UBA6: variants seen among roughly 807,000 people sequenced by gnomAD.
UBA6 encodes the protein ubiquitin-like modifier-activating enzyme 6.
Under a neutral mutation model 148.3 loss-of-function variants are expected in UBA6, and 87 were observed. That is an observed-to-expected ratio of 0.59 (90% CI 0.49 to 0.70). The LOEUF (loss-of-function observed/expected upper bound fraction) is 0.70, where lower values mean the gene tolerates loss of function less well. UBA6 is among the 30% of genes least tolerant of loss of function. The pLI is 0.00. For synonymous variants in UBA6, 376 were observed against 401.0 expected (o/e 0.94, Z 0.75); for missense variants, 1,186 against 1,241.2 (o/e 0.96, Z 0.67).
intron 25 of UBA6, among the ~76,000 whole-genome samples, 164 bp downstream of exon 25, chr4:67,631,544 G>C (rs1728996979): frequency 1.3e-5 from 2 of 152,112 alleles, no homozygotes. Context: ...AAGGGTTGTG[G>C]CTGGCTTTCT....
chr4:67,623,007 GT>G, intron 31 of UBA6, 82 bp from the exon 32 acceptor site: 1 of 1,371,126 alleles, frequency 7.3e-7, no homozygotes, highest in Non-Finnish European at 1.0e-6. Flanking sequence ...CGTAAACAAT[GT>G]TTTATGACCA....
chr4:67,686,953 A>C (rs1240325384), intron 2 of UBA6, among the ~76,000 whole-genome samples: 2 of 24,898 alleles, frequency 8.0e-5, no homozygotes, highest in Non-Finnish European at 1.7e-4. Context: ...TCCTGTCTCT[A>C]AAAAAAAAAA....
chr4:67,626,257 A>G, intron 28 of UBA6, 103 bp downstream of exon 28: 2 of 702,226 alleles, frequency 2.8e-6, no homozygotes, highest in Non-Finnish European at 5.0e-6. Flanking sequence ...TATTGTCATC[A>G]TTATTATTGT....
At chr4:67,677,811 C>G (rs1577833127) in intron 5 of UBA6, 89 bp from the exon 6 acceptor site, 2 of 605,360 alleles carry the variant, frequency 3.3e-6, no homozygotes, top group East Asian at 3.2e-5. Flanking sequence ...TCAGAGGAAC[C>G]TGACATGTTA....
intron 2 of UBA6, among the ~76,000 whole-genome samples, chr4:67,690,328 T>G (rs575077430): frequency 6.6e-6 from 1 of 152,188 alleles, no homozygotes; most frequent in Admixed American, 6.5e-5. Context: ...GACTTAAATG[T>G]AAGATCTGCA....
At chr4:67,662,555 C>T in intron 12 of UBA6, 1 of 256,102 alleles carries the variant, frequency 3.9e-6, no homozygotes, top group Admixed American at 5.2e-5. Context: ...CCCTCTGCCT[C>T]CTGGTTCAAG....
chr4:67,627,328 C>T (rs1420393444), intron 27 of UBA6, among the ~76,000 whole-genome samples: 1 of 151,914 alleles, frequency 6.6e-6, no homozygotes, highest in African/African-American at 2.4e-5. Context: ...GCTGTGACAT[C>T]TGTAACCAGC....
At chr4:67,694,215 C>CAACAAAA (rs1730770943) in intron 2 of UBA6, among the ~76,000 whole-genome samples, 1 of 41,852 alleles carries the variant, frequency 2.4e-5, no homozygotes, top group Non-Finnish European at 4.0e-5. Context: ...GACTCCATCT[C>CAACAAAA]AAAAAAAAAA....
At position 67,635,519 on chromosome 4, in the gene UBA6, TC is replaced by T; in HGVS notation, c.1775del (p.Gly592GlufsTer16). 1 of 1,613,286 alleles carries T rather than the reference TC, an allele frequency of 6.2e-7. No homozygotes were observed. The highest frequency in any genetic ancestry group is 8.5e-7 in the Non-Finnish European group (1 of 1,179,404). On this transcript the variant is annotated frameshift_variant, in exon 20 of 33. Coordinates refer to ENST00000322244, the MANE Select transcript of UBA6 (RefSeq NM_018227.6). LOFTEE classifies it high-confidence loss of function. ...CAGTGTGTCCCTTAGTGCCCATTGT[TC>T]CAGAATCTAAAAGAGGCCTTAGATT... is the stretch of plus-strand genomic sequence containing the variant. ...LANLRPLLDS[G>X]TMGTKGHTEV...
At chr4:67,625,411 G>A (rs142056580) in intron 28 of UBA6, among the ~76,000 whole-genome samples, 4 of 146,150 alleles carry the variant, frequency 2.7e-5, no homozygotes, top group African/African-American at 1.0e-4. Context: ...AAAAAAAAAC[G>A]ATGGTTTTAA....
intron 18 of UBA6, among the ~76,000 whole-genome samples, chr4:67,639,737 T>C (rs1034261480): frequency 6.6e-6 from 1 of 152,138 alleles, no homozygotes; most frequent in African/African-American, 2.4e-5. Flanking sequence ...CACATACCTA[T>C]GATAAAGTTT....
chr4:67,641,739 A>G (rs1303883823), intron 17 of UBA6, among the ~76,000 whole-genome samples: 1 of 152,154 alleles, frequency 6.6e-6, no homozygotes, highest in Non-Finnish European at 1.5e-5. Context: ...CTGTCATACT[A>G]TTTAAGAATT....
At chr4:67,690,508 C>T (rs1262889377) in intron 2 of UBA6, among the ~76,000 whole-genome samples, 1 of 151,940 alleles carries the variant, frequency 6.6e-6, no homozygotes, top group Non-Finnish European at 1.5e-5. Context: ...AAAAGACAAC[C>T]TACAGAATGA....
intron 8 of UBA6, 65 bp from the exon 9 acceptor site, chr4:67,668,739 ATCTT>A: frequency 1.4e-6 from 2 of 1,449,324 alleles, no homozygotes; most frequent in Admixed American, 2.3e-5. Flanking sequence ...ACAAATTCAA[ATCTT>A]AAGCAAAAAT....
chr4:67,619,863 C>T (rs1728713313), intron 32 of UBA6, among the ~76,000 whole-genome samples: 1 of 152,066 alleles, frequency 6.6e-6, no homozygotes, highest in Non-Finnish European at 1.5e-5. Flanking sequence ...ATCTACACAC[C>T]CCTTACATCA....
At chr4:67,634,916 T>C (rs985964585) in intron 20 of UBA6, among the ~76,000 whole-genome samples, 1 of 152,086 alleles carries the variant, frequency 6.6e-6, no homozygotes, top group Non-Finnish European at 1.5e-5. Flanking sequence ...AGTTTTTCCA[T>C]GGAGAAAAAC....
chr4:67,654,266 A>T (rs959687889), intron 13 of UBA6, among the ~76,000 whole-genome samples: 2 of 152,202 alleles, frequency 1.3e-5, no homozygotes, highest in Non-Finnish European at 2.9e-5. Context: ...TGAAGGAAAA[A>T]ATGTTAAAGG....
intron 6 of UBA6, among the ~76,000 whole-genome samples, chr4:67,675,632 G>A (rs532109313): frequency 5.4e-4 from 82 of 152,176 alleles, no homozygotes; most frequent in Non-Finnish European, 3.5e-4. Flanking sequence ...TTGGGAGGCT[G>A]AAGTAGGAGA....
At chr4:67,624,024 C>G (rs1221394815) in intron 30 of UBA6, 102 bp downstream of exon 30, 1 of 1,038,868 alleles carries the variant, frequency 9.6e-7, no homozygotes, top group Admixed American at 2.9e-5. Flanking sequence ...TACACATACA[C>G]AATAGAAGAA....
Sources: allele counts gnomAD v4.1 joint callset (sites outside exome capture counted in the v4.1 genomes callset), GRCh38; gene constraint gnomAD v4.1.1; transcripts MANE v1.5; gene names NCBI Gene and HGNC (gene_info 2026-07-23, HGNC 2026-07-21).